DIDO1: variants seen among roughly 807,000 people sequenced by gnomAD.
DIDO1 encodes death-inducer obliterator 1.
DIDO1 carries 16 observed loss-of-function variants against 99.4 expected under a neutral mutation model. The ratio of observed to expected loss-of-function variants is 0.16; its 90% CI spans 0.11 to 0.24. DIDO1 has a LOEUF of 0.24. Among genes scored for constraint, DIDO1 ranks in the 10% least tolerant of loss-of-function variants. DIDO1 has a pLI of 1.00. For missense variants in DIDO1, 2,996 were observed against 3,014.0 expected (o/e 0.99, Z 0.14); for synonymous variants, 1,366 against 1,239.1 (o/e 1.10, Z -2.15).
chr20:62,914,466 T>TA (rs1210421815), intron 1 of DIDO1, 60 bp from the exon 2 acceptor site: 1 of 152,172 alleles, frequency 6.6e-6, no homozygotes, highest in Non-Finnish European at 1.5e-5. Flanking sequence ...CGACAACAAT[T>TA]AAAAGGGAGT....
rs771500423 is a variant in DIDO1, at chr20:62,880,267, G to A, written c.5689C>T (p.Leu1897=). 2 of 1,612,680 alleles carry A rather than the reference G, an allele frequency of 1.2e-6. No homozygotes were observed. The highest frequency in any genetic ancestry group is 1.7e-6 in the Non-Finnish European group (2 of 1,179,922). The change falls in exon 16 of 16, where the codon CTG becomes TTG. Residue 1897 remains leucine (L), a synonymous_variant. Coordinates refer to ENST00000395343, the MANE Select transcript of DIDO1 (RefSeq NM_001193369.2). ...CCTCGGGGGCCTTTCAGCTGAGACA[G>A]CAGTGGCCTTCTCTGGCCTCCGAAC... ...FQFGGQRRPL[L]SQLKGPRGGP... is the part of the protein sequence containing the mutation.
At position 62,894,899 on chromosome 20, in the gene DIDO1, T is replaced by C; in HGVS notation, c.2347A>G (p.Thr783Ala). ...RPARSVMESR[T>A]KLHNESKKTA... is the part of the protein sequence containing the mutation. ...TTCTTGCTTTCATTGTGCAGTTTAGTTCTGGACTCCATCACCTGAAATGAA... is the reference window on the plus strand; with the variant it reads ...TTCTTGCTTTCATTGTGCAGTTTAGCTCTGGACTCCATCACCTGAAATGAA... Residue 783 changes from threonine (T) to alanine (A), a missense_variant, in exon 10 of 16, where the codon ACT becomes GCT. Physicochemically the swap from Thr to Ala is moderately conservative, Grantham distance 58. Around this residue, in one of 5 missense-constraint regions of DIDO1, gnomAD observed 898 missense variants for 972.7 expected, o/e 0.92. Transcript: ENST00000395343. The surrounding 1 kb of genome is among the most constrained non-coding windows in gnomAD (Gnocchi z 4.4). The C allele has an allele frequency of 6.2e-7, 1 of 1,614,090 alleles. No homozygotes were observed. The highest frequency in any genetic ancestry group is 8.5e-7 in the Non-Finnish European group (1 of 1,179,990).
chr20:62,894,663 G>A lies in DIDO1; in HGVS notation c.2437-115C>T, dbSNP rs2064476601. Reference sequence around the variant, plus strand: ...ATTGAGACCCACGGGGGAGAAAAAAGGACCATCTAATACAAGGACTGAGGA... The same window carrying A: ...ATTGAGACCCACGGGGGAGAAAAAAAGACCATCTAATACAAGGACTGAGGA... On this transcript the variant is annotated intron_variant, in intron 10 of 15. Transcript: ENST00000395343. The surrounding 1 kb of genome is among the most constrained non-coding windows in gnomAD (Gnocchi z 4.4). 20 of 1,451,594 alleles carry A rather than the reference G, an allele frequency of 1.4e-5. No individual in the cohort carries two copies. Among genetic ancestry groups the A allele is most frequent in the Admixed American group, 2.2e-5 (1 of 44,610 alleles). 89.9% of individuals were successfully genotyped at this position (1,451,594 alleles called of 1,614,324 possible).
intron 13 of DIDO1, 29 bp from the exon 14 acceptor site, chr20:62,892,105 C>T: frequency 5.0e-6 from 8 of 1,595,088 alleles, no homozygotes; most frequent in Non-Finnish European, 5.1e-6. Flanking sequence ...GCGTAAATCA[C>T]TTTGAACTGT....
At position 62,881,912 on chromosome 20, in the gene DIDO1, G is replaced by A; in HGVS notation, c.4044C>T (p.Thr1348=). ...STAGLPQEPK[T]TAEDGVPAPP... is the part of the protein sequence containing the mutation. Reference sequence around the variant, plus strand: ...GTGCCGGCACCCCGTCCTCTGCTGTGGTTTTGGGCTCCTGGGGGAGACCTG... The same window carrying A: ...GTGCCGGCACCCCGTCCTCTGCTGTAGTTTTGGGCTCCTGGGGGAGACCTG... The change falls in exon 16 of 16, where the codon ACC becomes ACT. Residue 1348 remains threonine (T), a synonymous_variant. Transcript: ENST00000395343. The surrounding 1 kb of genome is among the most constrained non-coding windows in gnomAD (Gnocchi z 8.3). 2 of 1,613,492 alleles carry A rather than the reference G, an allele frequency of 1.2e-6. No homozygotes were observed. Among genetic ancestry groups the A allele is most frequent in the African/African-American group, 1.3e-5 (1 of 75,056 alleles).
At position 62,896,800 on chromosome 20, in the gene DIDO1, G is replaced by T. The variant is rs769471263; in HGVS notation, c.1785C>A (p.Pro595=). The part of the protein sequence containing the change: ...KPPSGFKGTI[P]KRPWLSATPS... The stretch of plus-strand genomic sequence containing the variant: ...GGGTAGCGGAGAGCCATGGCCTCTT[G>T]GGGATGGTGCCCTTGAAACCTGAGG... The change falls in exon 7 of 16, where the codon CCC becomes CCA. Residue 595 remains proline, a synonymous_variant. Coordinates refer to ENST00000395343, the MANE Select transcript of DIDO1 (RefSeq NM_001193369.2). This position sits in a 1 kb window ranked among gnomAD's most constrained non-coding sequence, Gnocchi z 4.4. 1 of 1,614,164 alleles carries T rather than the reference G, an allele frequency of 6.2e-7. No homozygotes were observed. Among genetic ancestry groups the T allele is most frequent in the Non-Finnish European group, 8.5e-7 (1 of 1,180,050 alleles).
In DIDO1 at chr20:62,921,632, A is replaced by AT. The variant is rs34536561; in HGVS notation, c.-200+4806dup. Among the ~76,000 whole-genome samples, 301 of 133,686 alleles carry AT rather than the reference A, an allele frequency of 2.3e-3. 1 individual carries two copies. Among genetic ancestry groups the AT allele is most frequent in the East Asian group, 4.2e-3 (19 of 4,546 alleles). 87.7% of individuals were successfully genotyped at this position (133,686 alleles called of 152,430 possible). A position where few individuals can be genotyped will look rare whatever the true frequency, so the allele number is the denominator to read the frequency against. On this transcript the variant is annotated intron_variant, in intron 1 of 15. Coordinates refer to ENST00000395343, the MANE Select transcript of DIDO1 (RefSeq NM_001193369.2). ...GCTTCTCAAATTGGAGCTGCAGCCA[A>AT]TTTTTTTTTTTTTTTTTTGGAGACA...
chr20:62,888,122 G>A, intron 15 of DIDO1: 1 of 985,458 alleles, frequency 1.0e-6, no homozygotes, highest in Non-Finnish European at 1.2e-6. Flanking sequence ...GGCACAGCTG[G>A]GCACCTTCAG....
chr20:62,911,500 T>C lies in DIDO1; in HGVS notation c.113A>G (p.Glu38Gly). The C allele has an allele frequency of 6.2e-7, 1 of 1,612,850 alleles. No homozygotes were observed. ...GTCAGCCTCCGCGTCCCCTGCGCCC[T>C]CTCGCTTGGCGATAGTGGTCCTTCG... Reference protein sequence around the residue: ...GFRRTTIAKREGAGDAEADPL... With the variant: ...GFRRTTIAKRGGAGDAEADPL... Residue 38 changes from glutamate to glycine, a missense_variant, in exon 3 of 16, where the codon GAG becomes GGG. Physicochemically the swap from Glu to Gly is moderately conservative, Grantham distance 98 (BLOSUM62 -2). Around this residue, in one of 5 missense-constraint regions of DIDO1, gnomAD observed 388 missense variants for 376.6 expected, o/e 1.03. Transcript: ENST00000395343. This position sits in a 1 kb window ranked among gnomAD's most constrained non-coding sequence, Gnocchi z 7.0.
At chr20:62,902,330 TA>T (rs901617769) in intron 6 of DIDO1, among the ~76,000 whole-genome samples, 1 of 152,176 alleles carries the variant, frequency 6.6e-6, no homozygotes, top group Non-Finnish European at 1.5e-5. Flanking sequence ...ATGGATAACG[TA>T]AAAAAACAAC....
At chr20:62,890,461 A>G (rs1273488611) in intron 15 of DIDO1, 6 of 992,530 alleles carry the variant, frequency 6.0e-6, no homozygotes, top group East Asian at 1.1e-4. Context: ...TGAACCTATT[A>G]CAATTTGAGC....
chr20:62,884,831 T>G (rs528467024), intron 15 of DIDO1, among the ~76,000 whole-genome samples: 6 of 152,118 alleles, frequency 3.9e-5, no homozygotes, highest in African/African-American at 1.4e-4. Flanking sequence ...GTCCCCCGGA[T>G]AGTAGCACGG....
Position 62,921,978 on chromosome 20 carries a change from CAT to C in DIDO1, c.-200+4459_-200+4460del, listed in dbSNP as rs527902413. ...GTCCACAATATATATACACACTATA[CAT>C]ATGTCCACAATATATATACACTATA... On this transcript the variant is annotated intron_variant, in intron 1 of 15. Coordinates refer to ENST00000395343, the MANE Select transcript of DIDO1 (RefSeq NM_001193369.2). 6.7e-3 allele frequency among the ~76,000 whole-genome samples: 1,004 copies of C among 149,346 alleles called. 7 individuals carry two copies. The highest frequency in any genetic ancestry group is 0.011 in the Non-Finnish European group (744 of 67,494).
upstream of DIDO1, among the ~76,000 whole-genome samples, chr20:62,930,478 G>C (rs1288184252): frequency 6.6e-6 from 1 of 152,240 alleles, no homozygotes; most frequent in Non-Finnish European, 1.5e-5. Context: ...TAAACTTTGT[G>C]TTCCAACCCC....
chr20:62,906,460 C>A (rs1018444501), intron 5 of DIDO1, among the ~76,000 whole-genome samples: 2 of 152,180 alleles, frequency 1.3e-5, no homozygotes, highest in African/African-American at 4.8e-5. Context: ...ACCAAATGAG[C>A]CAAATGAGAG....
chr20:62,918,849 TGAG>T (rs1252948948), intron 1 of DIDO1, among the ~76,000 whole-genome samples: 4 of 152,206 alleles, frequency 2.6e-5, no homozygotes, highest in African/African-American at 7.2e-5. Context: ...GAGGAGCAAC[TGAG>T]AAGACACTAG....
chr20:62,921,212 T>C (rs1186045549), intron 1 of DIDO1, among the ~76,000 whole-genome samples: 3 of 152,234 alleles, frequency 2.0e-5, no homozygotes, highest in Admixed American at 6.5e-5. Context: ...CAATTTTAAA[T>C]AGAAGGCACT....
intron 4 of DIDO1, among the ~76,000 whole-genome samples, chr20:62,908,969 G>A (rs2064866754): frequency 3.9e-5 from 6 of 152,368 alleles, no homozygotes; most frequent in East Asian, 3.9e-4. Context: ...GCCTCTGATA[G>A]CAGCGCAGCA....
At chr20:62,907,095 G>A (rs1463348662) in intron 5 of DIDO1, 52 bp downstream of exon 5, 24 of 1,584,724 alleles carry the variant, frequency 1.5e-5, no homozygotes, top group Middle Eastern at 1.7e-4. Flanking sequence ...TGCGACAAAC[G>A]CTCTCACGCC....
Sources: allele counts gnomAD v4.1 joint callset (sites outside exome capture counted in the v4.1 genomes callset), GRCh38; gene constraint gnomAD v4.1.1; regional missense constraint gnomAD v4.1.1; non-coding constraint Gnocchi (gnomAD v3.1); transcripts MANE v1.5; gene names NCBI Gene and HGNC (gene_info 2026-07-23, HGNC 2026-07-21).